MINAR1: variants seen among roughly 807,000 people sequenced by gnomAD.
MINAR1 encodes membrane integral NOTCH2 associated receptor 1.
MINAR1 carries 40 observed loss-of-function variants against 65.1 expected under a neutral mutation model. The ratio of observed to expected loss-of-function variants is 0.61; its 90% CI spans 0.48 to 0.80. The LOEUF is 0.80. MINAR1 is among the 30% of genes least tolerant of loss of function. The probability of loss-of-function intolerance (pLI) is 0.00; values close to 1 mark genes in which losing one functional copy is unlikely to be tolerated. For missense variants in MINAR1, 1,128 were observed against 1,148.0 expected (o/e 0.98, Z 0.25); for synonymous variants, 482 against 449.1 (o/e 1.07, Z -0.93).
chr15:79,436,314 C>A (rs1894598157), intron 1 of MINAR1, among the ~76,000 whole-genome samples: 1 of 152,160 alleles, frequency 6.6e-6, no homozygotes, highest in African/African-American at 2.4e-5. Context: ...TGAGACAGGG[C>A]TTCATGGGGA....
chr15:79,431,161 G>C (rs1330235072), upstream of MINAR1, among the ~76,000 whole-genome samples: 2 of 151,866 alleles, frequency 1.3e-5, no homozygotes, highest in African/African-American at 4.8e-5. Context: ...AGCTCTGTTC[G>C]GTAACTCGGT....
At chr15:79,466,517 ATTC>A (rs1308301624) in intron 3 of MINAR1, among the ~76,000 whole-genome samples, 1 of 152,250 alleles carries the variant, frequency 6.6e-6, no homozygotes, top group African/African-American at 2.4e-5. Flanking sequence ...GTCATAAAAT[ATTC>A]TTTTGATTTT....
upstream of MINAR1, among the ~76,000 whole-genome samples, chr15:79,428,782 A>G (rs1033611966): frequency 1.3e-5 from 2 of 152,156 alleles, no homozygotes; most frequent in Non-Finnish European, 2.9e-5. Context: ...GCCCTTTTCT[A>G]ATAGTTCAAT....
chr15:79,424,308 C>T, the MINAR1 span: 1 of 152,220 alleles, frequency 6.6e-6, no homozygotes, highest in Non-Finnish European at 1.5e-5. Flanking sequence ...CTTAAGTACC[C>T]TTTTCGATTG....
chr15:79,455,432 T>C (rs1895379752), intron 1 of MINAR1, among the ~76,000 whole-genome samples: 1 of 152,210 alleles, frequency 6.6e-6, no homozygotes, highest in African/African-American at 2.4e-5. Context: ...AACTTACACT[T>C]TCTAGTTTAG....
upstream of MINAR1, among the ~76,000 whole-genome samples, chr15:79,431,885 G>A (rs1007132032): frequency 6.6e-6 from 1 of 152,200 alleles, no homozygotes; most frequent in African/African-American, 2.4e-5. Context: ...CTCCGGCGGC[G>A]CTCTGACTCC....
rs758370159 is a variant in MINAR1, at chr15:79,456,545, A to C, written c.398A>C (p.Glu133Ala). 9 of 1,613,966 alleles carry C rather than the reference A, an allele frequency of 5.6e-6. No individual in the cohort carries two copies. The African/African-American group carries it at 1.2e-4, about 22-fold the overall frequency. ...RSDTEICNAA[E>A]CEPLNCELSE... is the part of the protein sequence containing the mutation. ...GACACAGAGATCTGCAATGCAGCTG[A>C]GTGTGAGCCCCTGAACTGTGAGCTG... Residue 133 changes from glutamate to alanine, a missense_variant, in exon 2 of 4, where the codon GAG (glutamate) becomes GCG (alanine). Transcript: ENST00000305428.
intron 1 of MINAR1, among the ~76,000 whole-genome samples, chr15:79,443,686 A>G (rs1894934344): frequency 6.6e-6 from 1 of 152,192 alleles, no homozygotes; most frequent in African/African-American, 2.4e-5. Flanking sequence ...CATTCATATT[A>G]GCTGTTGTAT....
Position 79,471,071 on chromosome 15 carries a change from A to G in MINAR1, c.*2687A>G, listed in dbSNP as rs1896060537. 1 of 152,136 alleles carries G rather than the reference A, an allele frequency of 6.6e-6. No individual in the cohort carries two copies. 9.4% of individuals were successfully genotyped at this position (152,136 alleles called of 1,614,324 possible). On this transcript the variant is annotated 3_prime_UTR_variant, in exon 4 of 4. Transcript: ENST00000305428. The stretch of plus-strand genomic sequence containing the variant: ...AGAATGAGCAAGATAGAGTCTGGCT[A>G]GGAGGGAAACATCTATCCATCTCTC...
rs948905809 is a variant in MINAR1, at chr15:79,469,263, G to A, written c.*879G>A. 9 of 152,606 alleles carry A rather than the reference G, an allele frequency of 5.9e-5. No individual in the cohort carries two copies. The highest frequency in any genetic ancestry group is 8.8e-5 in the Non-Finnish European group (6 of 68,034). 9.5% of individuals were successfully genotyped at this position (152,606 alleles called of 1,614,324 possible). A position where few individuals can be genotyped will look rare whatever the true frequency, so the allele number is the denominator to read the frequency against. On this transcript the variant is annotated 3_prime_UTR_variant, in exon 4 of 4. Coordinates refer to ENST00000305428, the MANE Select transcript of MINAR1 (RefSeq NM_015206.3). The stretch of plus-strand genomic sequence containing the variant: ...ACCAGATGCTCTGCCTCTCATACAT[G>A]AGTTGAAGAGTTTGGAACTTGTCCT...
intron 1 of MINAR1, among the ~76,000 whole-genome samples, chr15:79,454,340 G>C (rs1229426663): frequency 6.6e-6 from 1 of 152,242 alleles, no homozygotes; most frequent in Admixed American, 6.5e-5. Context: ...AGGATGGAGA[G>C]AAAGCTCATT....
At position 79,457,202 on chromosome 15, in the gene MINAR1, G is replaced by A. The variant is rs1045375713; in HGVS notation, c.1055G>A (p.Arg352Lys). The change falls in exon 2 of 4, where the codon AGG becomes AAG. Residue 352 changes from arginine to lysine, a missense_variant. Transcript: ENST00000305428. Reference protein sequence around the residue: ...PTPVMGTQEARRCLGKPNKQT... With the variant: ...PTPVMGTQEAKRCLGKPNKQT... ...CCCGTGATGGGAACCCAAGAAGCCA[G>A]GCGCTGTCTAGGGAAGCCCAACAAG... 1.2e-6 allele frequency: 2 copies of A among 1,614,110 alleles called. No homozygotes were observed. Among genetic ancestry groups the A allele is most frequent in the Non-Finnish European group, 1.7e-6 (2 of 1,180,008 alleles).
chr15:79,458,178 C>A lies in MINAR1; in HGVS notation c.2031C>A (p.Asn677Lys). 1 of 1,614,176 alleles carries A rather than the reference C, an allele frequency of 6.2e-7. No individual in the cohort carries two copies. Among genetic ancestry groups the A allele is most frequent in the Non-Finnish European group, 8.5e-7 (1 of 1,180,046 alleles). ...HSGSHGPKLE[N>K]NPDWCCSDAS... is the part of the protein sequence containing the mutation. ...GCTCCCACGGACCCAAACTAGAGAA[C>A]AACCCTGACTGGTGCTGCTCTGATG... Residue 677 changes from asparagine (N) to lysine (K), a missense_variant, in exon 2 of 4, where the codon AAC becomes AAA. Coordinates refer to ENST00000305428, the MANE Select transcript of MINAR1 (RefSeq NM_015206.3).
At chr15:79,460,438 C>G (rs1374137033) in intron 2 of MINAR1, among the ~76,000 whole-genome samples, 1 of 152,178 alleles carries the variant, frequency 6.6e-6, no homozygotes, top group Admixed American at 6.5e-5. Context: ...AGCAATCCTC[C>G]AAACTGAAGA....
Position 79,456,506 on chromosome 15 carries a change from A to T in MINAR1, c.359A>T (p.Glu120Val). Residue 120 changes from glutamate to valine, a missense_variant, in exon 2 of 4, where the codon GAA becomes GTA. By Grantham distance (121) the Glu-to-Val change is moderately radical. Transcript: ENST00000305428. ...QKVRKKEASF[E>V]SCRSDTEICN... The stretch of plus-strand genomic sequence containing the variant: ...GTACGCAAGAAGGAGGCATCCTTTG[A>T]ATCATGTAGGTCGGACACAGAGATC... The T allele has an allele frequency of 1.2e-6, 2 of 1,614,050 alleles. No individual in the cohort carries two copies. Among genetic ancestry groups the T allele is most frequent in the East Asian group, 4.5e-5 (2 of 44,880 alleles).
In MINAR1 at chr15:79,469,886, T is replaced by A. The variant is rs190823036; in HGVS notation, c.*1502T>A. ...ATGATATAATAAATTTCTAAAAGAT[T>A]TGAGAGCATCTCAATTTTTAAAGCA... On this transcript the variant is annotated 3_prime_UTR_variant, in exon 4 of 4. Transcript: ENST00000305428. 1.2e-4 allele frequency: 19 copies of A among 152,786 alleles called. No individual in the cohort carries two copies. The highest frequency in any genetic ancestry group is 2.6e-4 in the Admixed American group (4 of 15,298). The allele number at this position is 152,786 out of a possible 1,614,324, so 9.5% of individuals were successfully genotyped here.
At chr15:79,444,055 G>C (rs2141282293) in intron 1 of MINAR1, among the ~76,000 whole-genome samples, 1 of 152,306 alleles carries the variant, frequency 6.6e-6, no homozygotes. Context: ...ATAATGTGAT[G>C]TGTAACGTGA....
At chr15:79,442,311 C>T (rs1894893350) in intron 1 of MINAR1, among the ~76,000 whole-genome samples, 1 of 151,980 alleles carries the variant, frequency 6.6e-6, no homozygotes, top group Non-Finnish European at 1.5e-5. Context: ...TTTTAACTAA[C>T]AAAGTAACAC....
Position 79,435,550 on chromosome 15 carries a change from C to G in MINAR1, c.-51+3010C>G, listed in dbSNP as rs191456226. ...ATGGCTAGCTAAACCCCTACAATGT[C>G]AGCTCTGGGAGGACCATAACTTTTT... is the stretch of plus-strand genomic sequence containing the variant. On this transcript the variant is annotated intron_variant, in intron 1 of 3. Transcript: ENST00000305428. Among the ~76,000 whole-genome samples, 543 of 152,356 alleles carry G rather than the reference C, an allele frequency of 3.6e-3. 4 individuals carry two copies. Among genetic ancestry groups the G allele is most frequent in the African/African-American group, 0.012 (517 of 41,580 alleles).
Sources: allele counts gnomAD v4.1 joint callset (sites outside exome capture counted in the v4.1 genomes callset), GRCh38; gene constraint gnomAD v4.1.1; transcripts MANE v1.5; gene names NCBI Gene and HGNC (gene_info 2026-07-23, HGNC 2026-07-21).